The following UQCRC2 variants were observed in gnomAD, a reference collection of about 807,000 sequenced individuals.
UQCRC2 encodes ubiquinol-cytochrome c reductase core protein 2, also known as cytochrome b-c1 complex subunit 2, mitochondrial.
UQCRC2 carries 49 observed loss-of-function variants against 55.6 expected under a neutral mutation model. That is an observed-to-expected ratio of 0.88 (90% CI 0.70 to 1.12). UQCRC2 has a LOEUF of 1.12. UQCRC2 is among the 50% of genes most tolerant of loss of function. The pLI, the probability that UQCRC2 is intolerant of heterozygous loss-of-function variation, is 0.00. For missense variants in UQCRC2, 506 were observed against 547.8 expected, an observed-to-expected ratio of 0.92 and a Z score of 0.76; for synonymous variants, 193 against 192.0, an observed-to-expected ratio of 1.01 and a Z score of -0.04.
chr16:21,954,124 T>A (rs1437596043), intron 1 of UQCRC2, among the ~76,000 whole-genome samples: 1 of 152,096 alleles, frequency 6.6e-6, no homozygotes, highest in African/African-American at 2.4e-5. Flanking sequence ...ACAGTGGTTA[T>A]TAAGAGGGGT....
chr16:21,971,578 G>A lies in UQCRC2; in HGVS notation c.724G>A (p.Gly242Ser). ...QVAEQFLNMR[G>S]GLGLSGAKAN... Reference sequence around the variant, plus strand: ...TGCTGAACAGTTTCTCAACATGAGGGGTGGGCTTGGTTTATCTGGTGCAAA... The same window carrying A: ...TGCTGAACAGTTTCTCAACATGAGGAGTGGGCTTGGTTTATCTGGTGCAAA... Residue 242 changes from glycine to serine, a missense_variant, in exon 9 of 14, where the codon GGT becomes AGT. Gly to Ser is a moderately conservative substitution (Grantham distance 56). Transcript: ENST00000268379. 1 of 1,614,144 alleles carries A rather than the reference G, an allele frequency of 6.2e-7. No homozygotes were observed. Among genetic ancestry groups the A allele is most frequent in the East Asian group, 2.2e-5 (1 of 44,894 alleles).
Position 21,983,377 on chromosome 16 carries a change from T to A in UQCRC2, c.*206T>A. Reference sequence around the variant, plus strand: ...TTTTCTTACGTTTTTCTCAATGAGTTAATCAACAAGTATTTATTATGTGCT... The same window carrying A: ...TTTTCTTACGTTTTTCTCAATGAGTAAATCAACAAGTATTTATTATGTGCT... On this transcript the variant is annotated 3_prime_UTR_variant, in exon 14 of 14. Coordinates refer to ENST00000268379, the MANE Select transcript of UQCRC2 (RefSeq NM_003366.4). 1 of 530,020 alleles carries A rather than the reference T, an allele frequency of 1.9e-6. No homozygotes were observed. The highest frequency in any genetic ancestry group is 3.3e-6 in the Non-Finnish European group (1 of 304,256). The allele number at this position is 530,020 out of a possible 1,614,324, so 32.8% of individuals were successfully genotyped here. A position where few individuals can be genotyped will look rare whatever the true frequency, so the allele number is the denominator to read the frequency against.
At chr16:21,970,094 T>TA (rs910994494) in intron 8 of UQCRC2, among the ~76,000 whole-genome samples, 5 of 152,160 alleles carry the variant, frequency 3.3e-5, no homozygotes, top group Admixed American at 3.3e-4. Context: ...TGGCTTTTCT[T>TA]ACTTAGCATA....
At chr16:21,961,273 A>G (rs924100517) in intron 4 of UQCRC2, 1 of 425,070 alleles carries the variant, frequency 2.4e-6, no homozygotes, top group African/African-American at 2.0e-5. Flanking sequence ...TTTTAATCAC[A>G]TTCACAAAGG....
At chr16:21,973,203 C>G (rs1255259493) in intron 10 of UQCRC2, among the ~76,000 whole-genome samples, 2 of 152,200 alleles carry the variant, frequency 1.3e-5, no homozygotes, top group African/African-American at 4.8e-5. Context: ...TAAGAATTAC[C>G]TGGAACACTT....
At chr16:21,961,669 T>TATATATATATATATATATATA (rs1208690779) in intron 4 of UQCRC2, among the ~76,000 whole-genome samples, 7 of 128,972 alleles carry the variant, frequency 5.4e-5, no homozygotes, top group Non-Finnish European at 1.2e-4. Flanking sequence ...TATATATATA[T>TATATATATATATATATATATA]TTTAGACAGT....
In UQCRC2 at chr16:21,957,295, C is replaced by A. The variant is rs1179337228; in HGVS notation, c.94C>A (p.Pro32Thr). 1 of 1,614,048 alleles carries A rather than the reference C, an allele frequency of 6.2e-7. No homozygotes were observed. Among genetic ancestry groups the A allele is most frequent in the East Asian group, 2.2e-5 (1 of 44,878 alleles). ...AGCCACAGCTGCGCCTGCAGGAGCA[C>A]CGCCACAACCTCAGGACCTTGAGGT... ...VKATAAPAGA[P>T]PQPQDLEFTK... The change falls in exon 2 of 14, where the codon CCG becomes ACG. Residue 32 changes from proline (P) to threonine (T), a missense_variant. Pro to Thr is a conservative substitution (Grantham distance 38, BLOSUM62 -1). Coordinates refer to ENST00000268379, the MANE Select transcript of UQCRC2 (RefSeq NM_003366.4).
At chr16:21,957,727 C>T (rs1469959998) in intron 3 of UQCRC2, among the ~76,000 whole-genome samples, 161 bp downstream of exon 3, 2 of 152,198 alleles carry the variant, frequency 1.3e-5, no homozygotes, top group Non-Finnish European at 2.9e-5. Flanking sequence ...TATCCTGTTA[C>T]AGTTCTAGAG....
Position 21,968,644 on chromosome 16 carries a change from A to G in UQCRC2, c.629A>G (p.Gln210Arg), listed in dbSNP as rs368615913. Residue 210 changes from glutamine (Q) to arginine (R), a missense_variant, in exon 8 of 14, where the codon CAG becomes CGG. Transcript: ENST00000268379. Reference protein sequence around the residue: ...VTSEELHYFVQNHFTSARMAL... With the variant: ...VTSEELHYFVRNHFTSARMAL... ...CTTCCTCAGTTACATTACTTCGTTCAGAACCATTTCACAAGTGCAAGAATG... is the reference window on the plus strand; with the variant it reads ...CTTCCTCAGTTACATTACTTCGTTCGGAACCATTTCACAAGTGCAAGAATG... The G allele has an allele frequency of 3.1e-6, 5 of 1,609,632 alleles. No homozygotes were observed. The African/African-American group carries it at 4.0e-5, about 13-fold the overall frequency.
rs1898778957 is a variant in UQCRC2, at chr16:21,983,200, T to C, written c.*29T>C. The C allele has an allele frequency of 1.3e-5, 21 of 1,583,268 alleles. No homozygotes were observed. Among genetic ancestry groups the C allele is most frequent in the Non-Finnish European group, 1.7e-5 (20 of 1,154,068 alleles). ...TGATGCACACATTACAGGAGAGAGC[T>C]GAACGTTCTCTCAGCCCAGAGCAGC... is the stretch of plus-strand genomic sequence containing the variant. On this transcript the variant is annotated 3_prime_UTR_variant, in exon 14 of 14. Transcript: ENST00000268379.
At chr16:21,970,455 C>T (rs533754559) in intron 8 of UQCRC2, among the ~76,000 whole-genome samples, 1 of 152,304 alleles carries the variant, frequency 6.6e-6, no homozygotes, top group African/African-American at 2.4e-5. Flanking sequence ...CAACACTTAT[C>T]GTCTGTCTTT....
chr16:21,980,599 C>T lies in UQCRC2; in HGVS notation c.1177C>T (p.Leu393=). Residue 393 remains leucine, a synonymous_variant, in exon 13 of 14, where the codon CTG becomes TTG. Coordinates refer to ENST00000268379, the MANE Select transcript of UQCRC2 (RefSeq NM_003366.4). ...GTCAGTGGAGTCTTCTGAGTGTTTC[C>T]TGGAAGAAGTCGGGTCCCAGGCTCT... The part of the protein sequence containing the change: ...LMSVESSECF[L]EEVGSQALVA... 6.2e-7 allele frequency: 1 copy of T among 1,614,164 alleles called. No homozygotes were observed.
rs764361077 is a variant in UQCRC2 at position 21,971,542 on chromosome 16, C to G, written c.688C>G (p.Leu230Val). ...LIGLGVSHPV[L>V]KQVAEQFLNM... ...TGAAACAGGTGTGAGTCATCCTGTT[C>G]TAAAGCAAGTTGCTGAACAGTTTCT... The change falls in exon 9 of 14, where the codon CTA (leucine) becomes GTA (valine). Residue 230 changes from leucine (L) to valine (V), a missense_variant. Physicochemically the swap from Leu to Val is conservative, Grantham distance 32. Coordinates refer to ENST00000268379, the MANE Select transcript of UQCRC2 (RefSeq NM_003366.4). 1.2e-6 allele frequency: 2 copies of G among 1,613,934 alleles called. No individual in the cohort carries two copies. The highest frequency in any genetic ancestry group is 1.7e-6 in the Non-Finnish European group (2 of 1,179,904).
intron 7 of UQCRC2, among the ~76,000 whole-genome samples, chr16:21,966,596 CT>C (rs1898332604): frequency 6.6e-6 from 1 of 152,190 alleles, no homozygotes; most frequent in South Asian, 2.1e-4. Context: ...GAAAACTAAA[CT>C]GTATCCCTTG....
chr16:21,980,771 C>T, intron 13 of UQCRC2, 71 bp downstream of exon 13: 1 of 1,559,082 alleles, frequency 6.4e-7, no homozygotes, highest in African/African-American at 1.4e-5. Flanking sequence ...CAGAAGGATG[C>T]ATAAGCGTCC....
At chr16:21,974,760 T>C (rs961849820) in intron 11 of UQCRC2, among the ~76,000 whole-genome samples, 7 of 152,062 alleles carry the variant, frequency 4.6e-5, no homozygotes, top group African/African-American at 1.4e-4. Context: ...ATATCGGAGA[T>C]AGAAAATTAT....
chr16:21,981,973 TG>T (rs1223910696), intron 13 of UQCRC2, among the ~76,000 whole-genome samples: 5 of 151,320 alleles, frequency 3.3e-5, no homozygotes, highest in African/African-American at 4.9e-5. Context: ...TCCTAGTAAC[TG>T]GGACTACAGG....
In UQCRC2 at chr16:21,962,897, TC is replaced by T; in HGVS notation, c.514+14del. 6.2e-7 allele frequency: 1 copy of T among 1,611,998 alleles called. No homozygotes were observed. Among genetic ancestry groups the T allele is most frequent in the Non-Finnish European group, 8.5e-7 (1 of 1,178,364 alleles). ...GAATCCGCAGACTCGTAAGTACATTTCCAGATCACATTTGATTCTAAGATAC... is the reference window on the plus strand; with the variant it reads ...GAATCCGCAGACTCGTAAGTACATTTCAGATCACATTTGATTCTAAGATAC... On this transcript the variant is annotated intron_variant, in intron 6 of 13. Transcript: ENST00000268379.
intron 4 of UQCRC2, chr16:21,961,282 G>A (rs1898191728): frequency 2.3e-6 from 1 of 434,428 alleles, no homozygotes; most frequent in Admixed American, 2.6e-5. Flanking sequence ...CATTCACAAA[G>A]GTATTCTTTA....
Sources: gnomAD v4.1 joint callset for allele counts (sites outside exome capture counted in the v4.1 genomes callset) on GRCh38, gnomAD v4.1.1 for gene constraint, MANE v1.5 for transcripts, NCBI Gene and HGNC (gene_info 2026-07-23, HGNC 2026-07-21) for gene names.